The following CNTNAP2 variants were observed in gnomAD, a reference collection of about 807,000 sequenced individuals.
The protein encoded by CNTNAP2 is contactin-associated protein-like 2.
CNTNAP2 carries 98 observed loss-of-function variants against 155.2 expected under a neutral mutation model. That is an observed-to-expected ratio of 0.63 (90% CI 0.54 to 0.75). The LOEUF (loss-of-function observed/expected upper bound fraction) is 0.75. Among genes scored for constraint, CNTNAP2 ranks in the 30% least tolerant of loss-of-function variants. CNTNAP2 has a pLI of 0.00. For missense variants in CNTNAP2, 1,727 were observed against 1,688.1 expected, an observed-to-expected ratio of 1.02 and a Z score of -0.40; for synonymous variants, 651 against 631.2, an observed-to-expected ratio of 1.03 and a Z score of -0.47.
chr7:147,085,838 A>G (rs1800264911), intron 4 of CNTNAP2: 1 of 152,198 alleles, frequency 6.6e-6, no homozygotes, highest in African/African-American at 2.4e-5. Context: ...GATACAAATG[A>G]TTGATAGCAA....
chr7:146,154,928 G>A (rs1476856905), intron 1 of CNTNAP2, among the ~76,000 whole-genome samples: 2 of 152,068 alleles, frequency 1.3e-5, no homozygotes, highest in African/African-American at 2.4e-5. Context: ...ACAAATCAAC[G>A]ATATTGAAAT....
intron 10 of CNTNAP2, among the ~76,000 whole-genome samples, chr7:147,480,651 A>T (rs1474143957): frequency 6.6e-6 from 1 of 152,206 alleles, no homozygotes; most frequent in Non-Finnish European, 1.5e-5. Flanking sequence ...ATGGAAAAGC[A>T]GTCTTAGGAG....
intron 1 of CNTNAP2, among the ~76,000 whole-genome samples, chr7:146,212,241 G>A (rs1799045641): frequency 3.3e-5 from 5 of 152,240 alleles, no homozygotes; most frequent in Admixed American, 2.0e-4. Context: ...TTGGCCTGAA[G>A]TACATTATTT....
intron 1 of CNTNAP2, among the ~76,000 whole-genome samples, chr7:146,690,804 T>C (rs1301732772): frequency 3.9e-5 from 6 of 152,202 alleles, no homozygotes; most frequent in African/African-American, 9.6e-5. Flanking sequence ...TTCTAATTTC[T>C]AATACAGTTT....
At chr7:147,716,468 G>A (rs145316801) in intron 13 of CNTNAP2, among the ~76,000 whole-genome samples, 5 of 152,182 alleles carry the variant, frequency 3.3e-5, no homozygotes, top group African/African-American at 9.6e-5. Flanking sequence ...GGCATAGGGC[G>A]CAAATTTCTG....
intron 15 of CNTNAP2, among the ~76,000 whole-genome samples, chr7:147,980,933 CAAAAAAAAAA>C (rs34927518): frequency 3.2e-4 from 30 of 93,988 alleles, no homozygotes; most frequent in Admixed American, 2.4e-3. Flanking sequence ...TCCATCTTAA[CAAAAAAAAAA>C]AAAAAAAAAA....
intron 20 of CNTNAP2, among the ~76,000 whole-genome samples, chr7:148,237,198 C>T (rs557588894): frequency 3.3e-5 from 5 of 152,274 alleles, no homozygotes; most frequent in African/African-American, 9.6e-5. Flanking sequence ...GGGTTGTATT[C>T]GCTGCTATAA....
chr7:147,951,052 TC>T (rs894213435), intron 14 of CNTNAP2, among the ~76,000 whole-genome samples: 2 of 152,214 alleles, frequency 1.3e-5, no homozygotes, highest in Non-Finnish European at 2.9e-5. Flanking sequence ...CTATGTGAAT[TC>T]CCATGTCCAT....
chr7:146,167,295 A>C (rs1798326236), intron 1 of CNTNAP2, among the ~76,000 whole-genome samples: 1 of 152,198 alleles, frequency 6.6e-6, no homozygotes. Flanking sequence ...ATTACAGTGG[A>C]CCCATGTTAA....
At chr7:147,386,916 C>T (rs1796634764) in intron 9 of CNTNAP2, among the ~76,000 whole-genome samples, 1 of 152,184 alleles carries the variant, frequency 6.6e-6, no homozygotes. Flanking sequence ...ACTTACAGTT[C>T]CATGTGGCTA....
chr7:147,628,795 A>T (rs1795032793), intron 12 of CNTNAP2, among the ~76,000 whole-genome samples: 1 of 151,908 alleles, frequency 6.6e-6, no homozygotes, highest in Non-Finnish European at 1.5e-5. Flanking sequence ...ATTCCATGCA[A>T]ATGGAAACCA....
At chr7:147,331,097 C>T (rs1286339171) in intron 9 of CNTNAP2, among the ~76,000 whole-genome samples, 1 of 152,070 alleles carries the variant, frequency 6.6e-6, no homozygotes, top group Non-Finnish European at 1.5e-5. Context: ...TTTGCCTTAG[C>T]TTTTAACCAG....
chr7:148,239,706 G>C (rs962776963), intron 20 of CNTNAP2, among the ~76,000 whole-genome samples: 6 of 152,154 alleles, frequency 3.9e-5, no homozygotes, highest in Non-Finnish European at 8.8e-5. Context: ...CCAACTACCA[G>C]AGCCTCAGAT....
In CNTNAP2 at chr7:147,236,580, GT is replaced by G. The variant is rs554508105; in HGVS notation, c.1349-63551del. Reference sequence around the variant, plus strand: ...TTCAATTTTTTTTTCTTTTTGGTTGGTTTTTTTTTTCTTTTTTAAATCTTAA... The same window carrying G: ...TTCAATTTTTTTTTCTTTTTGGTTGGTTTTTTTTTCTTTTTTAAATCTTAA... On this transcript the variant is annotated intron_variant, in intron 8 of 23. Coordinates refer to ENST00000361727, the MANE Select transcript of CNTNAP2 (RefSeq NM_014141.6). Among the ~76,000 whole-genome samples the G allele has an allele frequency of 4.8e-3, 693 of 145,044 alleles. 1 individual carries two copies. The highest frequency in any genetic ancestry group is 6.8e-3 in the Non-Finnish European group (446 of 65,850).
At chr7:148,316,817 C>T (rs1207243815) in intron 21 of CNTNAP2, among the ~76,000 whole-genome samples, 1 of 152,086 alleles carries the variant, frequency 6.6e-6, no homozygotes. Flanking sequence ...TCTGGAGGCA[C>T]CAGTGTATAT....
At chr7:148,249,736 C>G (rs1382368834) in intron 20 of CNTNAP2, among the ~76,000 whole-genome samples, 1 of 152,180 alleles carries the variant, frequency 6.6e-6, no homozygotes, top group East Asian at 1.9e-4. Context: ...CTTGGAATAT[C>G]ACTAGAACAT....
intron 17 of CNTNAP2, among the ~76,000 whole-genome samples, chr7:148,155,320 C>T (rs536137194): frequency 6.6e-6 from 1 of 152,324 alleles, no homozygotes; most frequent in Non-Finnish European, 1.5e-5. Flanking sequence ...GATCTTCATT[C>T]AGGGCTGTTG....
chr7:147,500,933 T>G (rs2116667784), intron 11 of CNTNAP2, among the ~76,000 whole-genome samples: 1 of 152,160 alleles, frequency 6.6e-6, no homozygotes, highest in African/African-American at 2.4e-5. Flanking sequence ...GAGACTACAA[T>G]TAAAATTACA....
chr7:147,734,903 C>G (rs896176607), intron 13 of CNTNAP2, among the ~76,000 whole-genome samples: 2 of 151,830 alleles, frequency 1.3e-5, no homozygotes, highest in African/African-American at 4.8e-5. Context: ...TGATTCTTCT[C>G]TCTTTTCTTC....
Sources: gnomAD v4.1 joint callset for allele counts (sites outside exome capture counted in the v4.1 genomes callset) on GRCh38, gnomAD v4.1.1 for gene constraint, MANE v1.5 for transcripts, NCBI Gene and HGNC (gene_info 2026-07-23, HGNC 2026-07-21) for gene names.